Variants in DPEP2 observed in about 807,000 individuals in gnomAD.
The protein encoded by DPEP2 is dipeptidase 2.
In DPEP2, 45 loss-of-function variants were observed where a neutral mutation model predicts 51.8. The observed-to-expected ratio is 0.87, with a 90% CI of 0.68 to 1.11. The LOEUF is 1.11. DPEP2 is among the 50% of genes most tolerant of loss of function. DPEP2 has a pLI of 0.00. For synonymous variants in DPEP2, 255 were observed against 262.7 expected (o/e 0.97, Z 0.28); for missense variants, 604 against 631.9 (o/e 0.96, Z 0.47).
intron 1 of DPEP2, among the ~76,000 whole-genome samples, chr16:67,997,646 G>A (rs2032779463): frequency 6.6e-6 from 1 of 152,158 alleles, no homozygotes; most frequent in Admixed American, 6.5e-5. Context: ...ATGAGCCACC[G>A]CGCCCAGCTC....
At position 67,999,432 on chromosome 16, in the gene DPEP2, G is replaced by T; in HGVS notation, c.-103C>A. Reference sequence around the variant, plus strand: ...GCAGCTTCATTCTAGAACTCAGTGAGACCAAGAACCCACCAATTCCGGACA... The same window carrying T: ...GCAGCTTCATTCTAGAACTCAGTGATACCAAGAACCCACCAATTCCGGACA... On this transcript the variant is annotated 5_prime_UTR_variant, in exon 1 of 11. Transcript: ENST00000393847. The T allele has an allele frequency of 2.0e-6, 2 of 981,242 alleles. No homozygotes were observed. Among genetic ancestry groups the T allele is most frequent in the Non-Finnish European group, 2.4e-6 (2 of 825,378 alleles). 60.8% of individuals were successfully genotyped at this position (981,242 alleles called of 1,614,324 possible). A position where few individuals can be genotyped will look rare whatever the true frequency, so the allele number is the denominator to read the frequency against.
In DPEP2 at chr16:67,988,967, G is replaced by A. The variant is rs868577226; in HGVS notation, c.1070+356C>T. ...AGGAGGAGGAGACAAAGAAGAAGGA[G>A]GACGAGGAAGAAAAGGAGAAGGAGA... On this transcript the variant is annotated intron_variant, in intron 9 of 10. Transcript: ENST00000393847. Among the ~76,000 whole-genome samples the A allele has an allele frequency of 5.9e-5, 9 of 152,162 alleles. No individual in the cohort carries two copies. The South Asian group carries it at 1.9e-3, about 32-fold the overall frequency.
intron 1 of DPEP2, chr16:67,993,780 G>A: frequency 2.0e-6 from 2 of 985,788 alleles, no homozygotes; most frequent in Non-Finnish European, 2.4e-6. Flanking sequence ...GTGGGTGTGG[G>A]GGAGAAGATA....
In DPEP2 at chr16:67,991,370, CTTT is replaced by C. The variant is rs918452974; in HGVS notation, c.663-189_663-187del. Among the ~76,000 whole-genome samples, 2 of 137,442 alleles carry C rather than the reference CTTT, an allele frequency of 1.5e-5. No homozygotes were observed. The highest frequency in any genetic ancestry group is 2.7e-5 in the African/African-American group (1 of 37,358). The allele number at this position is 137,442 out of a possible 152,430, so 90.2% of individuals were successfully genotyped here. A position where few individuals can be genotyped will look rare whatever the true frequency, so the allele number is the denominator to read the frequency against. ...TGGGTCCAGTCTTTTTTTTCCTTTT[CTTT>C]TTTTTTTTTTTTTGGCAATAGAGTC... On this transcript the variant is annotated intron_variant, in intron 5 of 10. Coordinates refer to ENST00000393847, the MANE Select transcript of DPEP2 (RefSeq NM_022355.4). This position sits in a 1 kb window ranked among gnomAD's most constrained non-coding sequence, Gnocchi z 5.1.
intron 3 of DPEP2, 60 bp from the exon 4 acceptor site, chr16:67,992,253 T>G (rs2032267344): frequency 6.3e-7 from 1 of 1,583,370 alleles, no homozygotes; most frequent in Admixed American, 1.8e-5. Context: ...CCTGGACTGC[T>G]CACAGCCTCC....
intron 1 of DPEP2, among the ~76,000 whole-genome samples, chr16:67,997,584 C>T (rs1247309276): frequency 6.6e-6 from 1 of 151,772 alleles, no homozygotes; most frequent in Non-Finnish European, 1.5e-5. Context: ...TCTTGATCTC[C>T]CGACCTCGTG....
At chr16:67,994,250 C>A (rs887916697) in intron 1 of DPEP2, 4 of 985,446 alleles carry the variant, frequency 4.1e-6, no homozygotes, top group Admixed American at 6.2e-5. Flanking sequence ...GAGTAAGGGG[C>A]CTGAGGAAAG....
In DPEP2 at chr16:67,991,109, C is replaced by A. The variant is rs912680774; in HGVS notation, c.732+6G>T. On this transcript the variant is annotated splice_donor_region_variant and intron_variant, in intron 6 of 10. Transcript: ENST00000393847. The surrounding 1 kb of genome is among the most constrained non-coding windows in gnomAD (Gnocchi z 5.1). ...TTTGGGGTGGAGTGTGAACCAGGGTCCTCACCTCACCAAAGTCAGTCAGCC... is the reference window on the plus strand; with the variant it reads ...TTTGGGGTGGAGTGTGAACCAGGGTACTCACCTCACCAAAGTCAGTCAGCC... The A allele has an allele frequency of 6.2e-7, 1 of 1,614,158 alleles. No homozygotes were observed.
intron 1 of DPEP2, among the ~76,000 whole-genome samples, chr16:67,995,182 G>C (rs1387040286): frequency 6.6e-6 from 1 of 152,148 alleles, no homozygotes; most frequent in Non-Finnish European, 1.5e-5. Flanking sequence ...TTACTGGAGT[G>C]AGCTACCGCA....
At chr16:67,992,859 G>T in intron 2 of DPEP2, 91 bp downstream of exon 2, 1 of 1,501,232 alleles carries the variant, frequency 6.7e-7, no homozygotes, top group East Asian at 2.4e-5. Context: ...GTGGTGTGAG[G>T]GAGCCTCCTC....
chr16:67,995,685 G>A (rs2032647483), intron 1 of DPEP2, among the ~76,000 whole-genome samples: 1 of 152,114 alleles, frequency 6.6e-6, no homozygotes, highest in Non-Finnish European at 1.5e-5. Flanking sequence ...CACTATGGGT[G>A]GGGCGCAGTG....
chr16:67,993,873 AG>A lies in DPEP2; in HGVS notation c.-45-617del, dbSNP rs1287331573. On this transcript the variant is annotated intron_variant, in intron 1 of 10. Transcript: ENST00000393847. ...CCTGACCTTCTCTCTCCCGTAACTTAGGCCCTCAAGCCTATACTCTGGGGAA... is the reference window on the plus strand; with the variant it reads ...CCTGACCTTCTCTCTCCCGTAACTTAGCCCTCAAGCCTATACTCTGGGGAA... 5.1e-6 allele frequency: 5 copies of A among 985,330 alleles called. No homozygotes were observed. The African/African-American group carries it at 8.7e-5, about 17-fold the overall frequency. 61.0% of individuals were successfully genotyped at this position (985,330 alleles called of 1,614,324 possible). A position where few individuals can be genotyped will look rare whatever the true frequency, so the allele number is the denominator to read the frequency against.
rs1248483609 is a variant in DPEP2, at chr16:67,993,144, C to A, written c.69G>T (p.Leu23=). 5 of 1,532,356 alleles carry A rather than the reference C, an allele frequency of 3.3e-6. No individual in the cohort carries two copies. Among genetic ancestry groups the A allele is most frequent in the Non-Finnish European group, 4.4e-6 (5 of 1,136,930 alleles). 94.9% of individuals were successfully genotyped at this position (1,532,356 alleles called of 1,614,324 possible). Residue 23 remains leucine, a synonymous_variant, in exon 2 of 11, where the codon CTG becomes CTT. Coordinates refer to ENST00000393847, the MANE Select transcript of DPEP2 (RefSeq NM_022355.4). The stretch of plus-strand genomic sequence containing the variant: ...AGGTTACAGGCTGGAGCAGCAGCAG[C>A]AGGAGCAGCAGACTCAGCAGAGGCC... ...GRWPLLSLLL[L]LLLLQPVTCA...
rs2031841982 is a variant in DPEP2, at chr16:67,989,415, T to TG, written c.995-18dup. 1.2e-6 allele frequency: 2 copies of TG among 1,613,888 alleles called. No homozygotes were observed. Among genetic ancestry groups the TG allele is most frequent in the Non-Finnish European group, 1.7e-6 (2 of 1,179,936 alleles). The stretch of plus-strand genomic sequence containing the variant: ...CGAAGTGATCTGGGGAGGGGGAAGG[T>TG]GGACAGTCAGCTGCGTAGGGCTTCC... On this transcript the variant is annotated splice_polypyrimidine_tract_variant and intron_variant, in intron 8 of 10. Coordinates refer to ENST00000393847, the MANE Select transcript of DPEP2 (RefSeq NM_022355.4).
rs535188633 is a variant in DPEP2 at position 67,993,403 on chromosome 16, C to T, written c.-45-146G>A. ...CGGAGAGCGGCGGCACCGCCCAGTACGGCCACCAGGGGGCGCCCAGCCCTC... is the reference window on the plus strand; with the variant it reads ...CGGAGAGCGGCGGCACCGCCCAGTATGGCCACCAGGGGGCGCCCAGCCCTC... On this transcript the variant is annotated intron_variant, in intron 1 of 10. Transcript: ENST00000393847. The T allele has an allele frequency of 1.3e-5, 17 of 1,262,112 alleles. 1 individual carries two copies. The highest frequency in any genetic ancestry group is 2.9e-5 in the South Asian group (1 of 34,066). The allele number at this position is 1,262,112 out of a possible 1,614,324, so 78.2% of individuals were successfully genotyped here.
intron 1 of DPEP2, chr16:67,994,234 G>C (rs2032528492): frequency 2.0e-6 from 2 of 985,432 alleles, no homozygotes; most frequent in Non-Finnish European, 2.4e-6. Flanking sequence ...GCCTCGTCCA[G>C]GTCAGGAGTA....
Position 67,992,893 on chromosome 16 carries a change from C to T in DPEP2, c.263+57G>A, listed in dbSNP as rs2032351462. ...TCCACAGCCCTGCATACTCTGGGAC[C>T]CTCCCTTGCCCAGGAGTGTGCTCAG... On this transcript the variant is annotated intron_variant, in intron 2 of 10. Transcript: ENST00000393847. 7 of 1,555,044 alleles carry T rather than the reference C, an allele frequency of 4.5e-6. No individual in the cohort carries two copies. In the South Asian group the frequency reaches 7.1e-5, roughly 16 times the overall value.
intron 9 of DPEP2, 102 bp downstream of exon 9, chr16:67,989,221 C>T (rs1321630418): frequency 3.3e-5 from 42 of 1,265,896 alleles, no homozygotes; most frequent in South Asian, 2.9e-4. Flanking sequence ...GAACTGATCC[C>T]GGGAGTGTGG....
At chr16:67,993,370 AG>A in intron 1 of DPEP2, 113 bp from the exon 2 acceptor site, 1 of 1,303,500 alleles carries the variant, frequency 7.7e-7, no homozygotes, top group South Asian at 2.3e-5. Context: ...GGCCCCGCGA[AG>A]GATGTGCGGA....
Sources: allele counts gnomAD v4.1 joint callset (sites outside exome capture counted in the v4.1 genomes callset), GRCh38; gene constraint gnomAD v4.1.1; non-coding constraint Gnocchi (gnomAD v3.1); transcripts MANE v1.5; gene names NCBI Gene and HGNC (gene_info 2026-07-23, HGNC 2026-07-21).